Variants in INF2 observed in about 807,000 individuals in gnomAD.
INF2 encodes the protein inverted formin 2.
In INF2, 43 loss-of-function variants were observed where a neutral mutation model predicts 123.5. The observed-to-expected ratio is 0.35, with a 90% CI of 0.27 to 0.45. The LOEUF (loss-of-function observed/expected upper bound fraction) is 0.45. Among genes scored for constraint, INF2 ranks in the 20% least tolerant of loss-of-function variants. INF2 has a pLI of 1.00. For synonymous variants in INF2, 851 were observed against 745.0 expected, an observed-to-expected ratio of 1.14 and a Z score of -2.32; for missense variants, 1,453 against 1,682.7, an observed-to-expected ratio of 0.86 and a Z score of 2.39.
At chr14:104,688,550 T>C (rs1311798345), upstream of INF2, among the ~76,000 whole-genome samples, 1 of 152,232 alleles carries the variant, frequency 6.6e-6, no homozygotes, top group African/African-American at 2.4e-5. Context: ...CGCATGTTCT[T>C]GACCCTCATA....
At chr14:104,709,742 C>G (rs779391027) in intron 12 of INF2, 37 bp downstream of exon 12, 18 of 1,569,632 alleles carry the variant, frequency 1.1e-5, no homozygotes, top group Admixed American at 6.7e-5. Context: ...GGGCCTGGGC[C>G]CCAGGTGGGA....
chr14:104,706,232 A>T, intron 6 of INF2, 56 bp downstream of exon 6: 1 of 1,503,932 alleles, frequency 6.6e-7, no homozygotes, highest in Non-Finnish European at 9.0e-7. Flanking sequence ...TGTGGCCCTG[A>T]GGTCCAGAGG....
chr14:104,696,984 G>A (rs189548766), intron 1 of INF2, among the ~76,000 whole-genome samples: 79 of 152,236 alleles, frequency 5.2e-4, no homozygotes, highest in African/African-American at 1.4e-3. Context: ...CCCTACCCCC[G>A]CCACTGCTTC....
In INF2 at chr14:104,703,431, C is replaced by A; in HGVS notation, c.644C>A (p.Thr215Asn). Residue 215 changes from threonine (T) to asparagine (N), a missense_variant, in exon 4 of 23, where the codon ACC (threonine) becomes AAC (asparagine). Thr to Asn is a moderately conservative substitution (Grantham distance 65, BLOSUM62 0). Coordinates refer to ENST00000392634, the MANE Select transcript of INF2 (RefSeq NM_022489.4). The part of the protein sequence containing the change: ...ILGPEDLRAR[T>N]QLRNEFIGLQ... ...GGCCCCGAGGACCTGCGCGCGCGCA[C>A]CCAGCTGCGGAACGAGTTTATCGGT... is the stretch of plus-strand genomic sequence containing the variant. 6.2e-7 allele frequency: 1 copy of A among 1,612,654 alleles called. No homozygotes were observed. The highest frequency in any genetic ancestry group is 8.5e-7 in the Non-Finnish European group (1 of 1,179,940).
At position 104,714,694 on chromosome 14, in the gene INF2, G is replaced by A; in HGVS notation, c.3532G>A (p.Asp1178Asn). ...PGGDEDEDEE[D>N]TAPESALDTS... The stretch of plus-strand genomic sequence containing the variant: ...TGGGGATGAGGACGAGGACGAGGAG[G>A]ACACGGCCCCAGAGTCCGCACTGGA... The change falls in exon 21 of 23, where the codon GAC becomes AAC. Residue 1178 changes from aspartate to asparagine, a missense_variant. Transcript: ENST00000392634. 1.2e-6 allele frequency: 2 copies of A among 1,611,128 alleles called. No homozygotes were observed.
chr14:104,718,695 G>A, intron 22 of INF2, 100 bp from the exon 23 acceptor site: 1 of 1,555,940 alleles, frequency 6.4e-7, no homozygotes, highest in Non-Finnish European at 8.7e-7. Flanking sequence ...CTGGACAGTG[G>A]CGATGAGGGG....
At chr14:104,706,543 T>C (rs2140664471) in intron 6 of INF2, among the ~76,000 whole-genome samples, 1 of 152,272 alleles carries the variant, frequency 6.6e-6, no homozygotes, top group East Asian at 1.9e-4. Context: ...GGTGAGGGGC[T>C]AAGAGGCTGA....
chr14:104,717,302 C>CT (rs903365994), intron 22 of INF2, among the ~76,000 whole-genome samples: 7 of 136,134 alleles, frequency 5.1e-5, no homozygotes, highest in Non-Finnish European at 1.1e-4. Context: ...CAGTCCCCCC[C>CT]CCGGGCAGGG....
chr14:104,695,851 G>A (rs1889168416), intron 1 of INF2, among the ~76,000 whole-genome samples: 1 of 152,060 alleles, frequency 6.6e-6, no homozygotes, highest in East Asian at 1.9e-4. Context: ...ACCGACACTT[G>A]CCAGAGTGCC....
At chr14:104,716,585 T>A (rs1478243046) in intron 22 of INF2, among the ~76,000 whole-genome samples, 5 of 152,214 alleles carry the variant, frequency 3.3e-5, no homozygotes, top group African/African-American at 1.2e-4. Flanking sequence ...CTCCACCTGG[T>A]TCCCTCCTGA....
intron 21 of INF2, 78 bp from the exon 22 acceptor site, chr14:104,715,206 C>A (rs1054615875): frequency 2.1e-6 from 3 of 1,446,614 alleles, no homozygotes; most frequent in Non-Finnish European, 1.9e-6. Context: ...GTCCCGGGCC[C>A]CCCAGCCCCA....
At chr14:104,695,610 G>GACCCCTCCTCCCAGTA in intron 1 of INF2, among the ~76,000 whole-genome samples, 1 of 151,964 alleles carries the variant, frequency 6.6e-6, no homozygotes, top group Admixed American at 6.5e-5. Context: ...TCCTCCCAGT[G>GACCCCTCCTCCCAGTA]AGCCGGGGCA....
chr14:104,701,526 G>A lies in INF2; in HGVS notation c.161G>A (p.Arg54His), dbSNP rs866348422. The change falls in exon 2 of 23, where the codon CGC becomes CAC. Residue 54 changes from arginine to histidine, a missense_variant. This residue lies in a region of INF2 where 251 missense variants were observed against 349.4 expected (regional missense o/e 0.72). Transcript: ENST00000392634. ...MPSVVNYSGL[R>H]KRLEGSDGGW... ...TCTGTGGTCAACTACTCCGGCCTGC[G>A]CAAGCGCCTGGAGGGCAGCGACGGC... The A allele has an allele frequency of 2.5e-6, 4 of 1,607,064 alleles. No individual in the cohort carries two copies. The highest frequency in any genetic ancestry group is 3.4e-6 in the Non-Finnish European group (4 of 1,177,700).
chr14:104,705,661 C>T (rs550009920), intron 5 of INF2, among the ~76,000 whole-genome samples: 29 of 152,320 alleles, frequency 1.9e-4, no homozygotes, highest in Middle Eastern at 3.4e-3. Context: ...ACTGTAGTCA[C>T]GCAGCGCCCA....
At chr14:104,689,436 C>G (rs188966577), upstream of INF2, among the ~76,000 whole-genome samples, 1,377 of 152,182 alleles carry the variant, frequency 9.0e-3, 20 homozygotes, top group African/African-American at 0.031. Context: ...CCAGGTTATT[C>G]ACGGGAGTGG....
chr14:104,692,696 C>G (rs1889013242), intron 1 of INF2, among the ~76,000 whole-genome samples: 1 of 152,234 alleles, frequency 6.6e-6, no homozygotes. Context: ...ACCCCGGAGC[C>G]CTCCCAGCCA....
chr14:104,705,148 G>A (rs1329190827), intron 5 of INF2, among the ~76,000 whole-genome samples: 2 of 152,214 alleles, frequency 1.3e-5, no homozygotes, highest in Admixed American at 6.5e-5. Context: ...CAGGCGCGGT[G>A]GCTCACGCCT....
chr14:104,695,862 A>G lies in INF2; in HGVS notation c.-9-5495A>G, dbSNP rs1198257949. 3.3e-5 allele frequency among the ~76,000 whole-genome samples: 5 copies of G among 152,050 alleles called. No individual in the cohort carries two copies. In the South Asian group the frequency reaches 1.0e-3, roughly 32 times the overall value. On this transcript the variant is annotated intron_variant, in intron 1 of 22. Coordinates refer to ENST00000392634, the MANE Select transcript of INF2 (RefSeq NM_022489.4). ...CTCCACCGACACTTGCCAGAGTGCCATGAAGGACCCCTGGCCCCCAGCTCT... is the reference window on the plus strand; with the variant it reads ...CTCCACCGACACTTGCCAGAGTGCCGTGAAGGACCCCTGGCCCCCAGCTCT...
rs1163188012 is a variant in INF2, at chr14:104,710,145, C to T, written c.2196C>T (p.Asp732=). 2 of 1,553,120 alleles carry T rather than the reference C, an allele frequency of 1.3e-6. No individual in the cohort carries two copies. Among genetic ancestry groups the T allele is most frequent in the Non-Finnish European group, 1.7e-6 (2 of 1,149,158 alleles). ...LLCEGAAAVL[D]MVRPKAQLVL... is the part of the protein sequence containing the mutation. ...GTGAGGGCGCGGCCGCCGTGCTGGA[C>T]ATGGTGCGGCCCAAGGCCCAGCTGG... The change falls in exon 13 of 23, where the codon GAC becomes GAT. Residue 732 remains aspartate (D), a synonymous_variant. Transcript: ENST00000392634.
Sources: gnomAD v4.1 joint callset for allele counts (sites outside exome capture counted in the v4.1 genomes callset) on GRCh38, gnomAD v4.1.1 for gene constraint, gnomAD v4.1.1 regional missense constraint, MANE v1.5 for transcripts, NCBI Gene and HGNC (gene_info 2026-07-23, HGNC 2026-07-21) for gene names.